The following MBD5 variants were observed in gnomAD, a reference collection of about 807,000 sequenced individuals.
The protein encoded by MBD5 is methyl-CpG binding domain protein 5.
MBD5 carries 13 observed loss-of-function variants against 117.3 expected under a neutral mutation model. The ratio of observed to expected loss-of-function variants is 0.11; its 90% CI spans 0.07 to 0.18. MBD5 has a LOEUF of 0.18. MBD5 is among the 10% of genes least tolerant of loss of function. The pLI, the probability that MBD5 is intolerant of heterozygous loss-of-function variation, is 1.00. For missense variants in MBD5, 1,879 were observed against 2,093.8 expected (o/e 0.90, Z 2.00); for synonymous variants, 727 against 766.4 (o/e 0.95, Z 0.85).
At chr2:148,181,515 G>A (rs553754778) in intron 2 of MBD5, among the ~76,000 whole-genome samples, 2 of 152,150 alleles carry the variant, frequency 1.3e-5, no homozygotes, top group East Asian at 1.9e-4. Flanking sequence ...AGCCCTTAAC[G>A]TTTTCCAGCT....
intron 1 of MBD5, among the ~76,000 whole-genome samples, chr2:148,088,037 G>A (rs1695840543): frequency 6.6e-6 from 1 of 151,748 alleles, no homozygotes; most frequent in Non-Finnish European, 1.5e-5. Context: ...TACAACTTCT[G>A]GAAATGAAAG....
intron 2 of MBD5, among the ~76,000 whole-genome samples, chr2:148,187,438 T>A (rs1325446755): frequency 6.6e-6 from 1 of 152,082 alleles, no homozygotes; most frequent in East Asian, 1.9e-4. Flanking sequence ...TTGTTCCACA[T>A]TGGATGAAAA....
At chr2:148,355,625 T>G (rs1703362233) in intron 4 of MBD5, among the ~76,000 whole-genome samples, 1 of 152,208 alleles carries the variant, frequency 6.6e-6, no homozygotes. Flanking sequence ...CTCTGTTCTG[T>G]TCCATTGGTC....
At chr2:148,290,813 A>G (rs1701483790) in intron 3 of MBD5, among the ~76,000 whole-genome samples, 1 of 152,236 alleles carries the variant, frequency 6.6e-6, no homozygotes, top group African/African-American at 2.4e-5. Flanking sequence ...TAATAATACT[A>G]TAAATATTTG....
At chr2:148,401,713 A>G (rs1704926755) in intron 4 of MBD5, among the ~76,000 whole-genome samples, 1 of 152,174 alleles carries the variant, frequency 6.6e-6, no homozygotes, top group South Asian at 2.1e-4. Flanking sequence ...CAAAACTAAG[A>G]CATTAACATT....
At chr2:148,085,041 T>C (rs938834163) in intron 1 of MBD5, among the ~76,000 whole-genome samples, 2 of 152,174 alleles carry the variant, frequency 1.3e-5, no homozygotes, top group African/African-American at 4.8e-5. Flanking sequence ...CCCATGCAGA[T>C]TGACCCAGAA....
rs185665727 is a variant in MBD5 at position 148,364,107 on chromosome 2, A to G, written c.-557+21771A>G. ...GGGCAGAAGAGAGAAAGGTCAGGTT[A>G]TCCACAAAGGGAATCCCATCAGGCT... On this transcript the variant is annotated intron_variant, in intron 4 of 13. Coordinates refer to ENST00000642680, the MANE Select transcript of MBD5 (RefSeq NM_001378120.1). Among the ~76,000 whole-genome samples, 18 of 152,364 alleles carry G rather than the reference A, an allele frequency of 1.2e-4. No homozygotes were observed. The East Asian group carries it at 3.5e-3, about 29-fold the overall frequency.
chr2:148,323,783 T>G (rs1056280865), intron 3 of MBD5, among the ~76,000 whole-genome samples: 14 of 152,176 alleles, frequency 9.2e-5, no homozygotes, highest in Admixed American at 6.5e-4. Context: ...TTTCTCCCAT[T>G]TTGTAGGTTG....
intron 3 of MBD5, among the ~76,000 whole-genome samples, chr2:148,340,444 A>G (rs758496069): frequency 3.9e-5 from 6 of 152,148 alleles, no homozygotes; most frequent in African/African-American, 9.6e-5. Context: ...TTAACACAGT[A>G]GACTACTATG....
intron 4 of MBD5, among the ~76,000 whole-genome samples, chr2:148,398,384 G>A (rs996707269): frequency 2.0e-5 from 3 of 151,624 alleles, no homozygotes; most frequent in Non-Finnish European, 4.4e-5. Context: ...GTTTTGATTT[G>A]CATTTCTCTG....
chr2:148,437,779 C>T (rs1220642437), intron 4 of MBD5, among the ~76,000 whole-genome samples: 1 of 151,928 alleles, frequency 6.6e-6, no homozygotes, highest in Non-Finnish European at 1.5e-5. Flanking sequence ...AATATATAAA[C>T]ACATATTACT....
At chr2:148,048,616 A>G (rs146627976) in intron 1 of MBD5, among the ~76,000 whole-genome samples, 259 of 152,292 alleles carry the variant, frequency 1.7e-3, no homozygotes, top group African/African-American at 5.4e-3. Context: ...GTTGGAGAGT[A>G]GAGAAGAGTA....
At chr2:148,376,751 TTA>T (rs987362098) in intron 4 of MBD5, among the ~76,000 whole-genome samples, 1 of 138,108 alleles carries the variant, frequency 7.2e-6, no homozygotes, top group Non-Finnish European at 1.6e-5. Context: ...TATATTATAA[TTA>T]TATATATTTA....
intron 1 of MBD5, among the ~76,000 whole-genome samples, chr2:148,066,492 T>C (rs932798562): frequency 4.0e-5 from 6 of 151,450 alleles, no homozygotes; most frequent in South Asian, 4.2e-4. Context: ...TTTCTTTTTT[T>C]TTTTTTTTTG....
At chr2:148,028,869 C>T (rs541433597) in intron 1 of MBD5, among the ~76,000 whole-genome samples, 1 of 152,134 alleles carries the variant, frequency 6.6e-6, no homozygotes, top group East Asian at 1.9e-4. Context: ...ATTCCAAAAT[C>T]ATTTTCCTTC....
chr2:148,258,127 G>A (rs1001512307), intron 3 of MBD5, among the ~76,000 whole-genome samples: 13 of 152,158 alleles, frequency 8.5e-5, no homozygotes, highest in Admixed American at 5.9e-4. Flanking sequence ...AGTCAGGGTT[G>A]TGGCAGATCC....
intron 2 of MBD5, chr2:148,196,230 T>C (rs2105928768): frequency 6.6e-6 from 1 of 152,316 alleles, no homozygotes; most frequent in South Asian, 2.1e-4. Flanking sequence ...AAAGAATGTA[T>C]AGGAGGTAAT....
chr2:148,328,092 A>T (rs1702511575), intron 3 of MBD5, among the ~76,000 whole-genome samples: 1 of 151,788 alleles, frequency 6.6e-6, no homozygotes, highest in Admixed American at 6.6e-5. Flanking sequence ...CTGTTGGAGT[A>T]CCCGGCCGTG....
intron 3 of MBD5, among the ~76,000 whole-genome samples, chr2:148,291,739 C>CA (rs997578382): frequency 4.6e-5 from 7 of 151,978 alleles, no homozygotes; most frequent in African/African-American, 1.5e-4. Flanking sequence ...TATGGAATCA[C>CA]AAAAAATCCA....
Sources: gnomAD v4.1 joint callset for allele counts (sites outside exome capture counted in the v4.1 genomes callset) on GRCh38, gnomAD v4.1.1 for gene constraint, MANE v1.5 for transcripts, NCBI Gene and HGNC (gene_info 2026-07-23, HGNC 2026-07-21) for gene names.